The following ILRUN variants were observed in gnomAD, a reference collection of about 807,000 sequenced individuals.
ILRUN encodes protein ILRUN.
ILRUN carries 3 observed loss-of-function variants against 33.8 expected under a neutral mutation model. That is an observed-to-expected ratio of 0.09 (90% CI 0.04 to 0.23). The LOEUF (loss-of-function observed/expected upper bound fraction) is 0.23, where lower values mean the gene tolerates loss of function less well. ILRUN is among the 10% of genes least tolerant of loss of function. The probability of loss-of-function intolerance (pLI) is 1.00; values close to 1 mark genes in which losing one functional copy is unlikely to be tolerated. For missense variants in ILRUN, 210 were observed against 375.1 expected (o/e 0.56, Z 3.64); for synonymous variants, 124 against 138.9 (o/e 0.89, Z 0.75).
At chr6:34,638,712 A>C (rs1010111766) in intron 3 of ILRUN, among the ~76,000 whole-genome samples, 1 of 149,072 alleles carries the variant, frequency 6.7e-6, no homozygotes, top group Non-Finnish European at 1.5e-5. Flanking sequence ...CTCAAAAAAG[A>C]AAAAAAAAAC....
At chr6:34,614,982 T>C (rs998764650) in intron 3 of ILRUN, among the ~76,000 whole-genome samples, 9 of 152,252 alleles carry the variant, frequency 5.9e-5, no homozygotes, top group Middle Eastern at 3.4e-3. Flanking sequence ...TGAGAAATTG[T>C]CACTGACTAG....
At chr6:34,687,314 T>C (rs1437040059) in intron 1 of ILRUN, among the ~76,000 whole-genome samples, 1 of 152,142 alleles carries the variant, frequency 6.6e-6, no homozygotes, top group Non-Finnish European at 1.5e-5. Flanking sequence ...CATAAAAATA[T>C]GTTCGTATAA....
intron 3 of ILRUN, among the ~76,000 whole-genome samples, chr6:34,639,843 T>C (rs960802212): frequency 3.9e-5 from 6 of 152,208 alleles, no homozygotes; most frequent in Admixed American, 6.5e-5. Flanking sequence ...TACTAGACCT[T>C]AAGCCTCTCT....
intron 1 of ILRUN, among the ~76,000 whole-genome samples, chr6:34,694,448 T>G (rs115947040): frequency 2.6e-5 from 4 of 152,150 alleles, no homozygotes; most frequent in Non-Finnish European, 5.9e-5. Context: ...GCAAGAGAAC[T>G]CTCTTCAAGA....
intron 1 of ILRUN, among the ~76,000 whole-genome samples, chr6:34,689,908 C>G (rs979761734): frequency 6.6e-6 from 1 of 152,004 alleles, no homozygotes; most frequent in Non-Finnish European, 1.5e-5. Flanking sequence ...AACATACACA[C>G]TGCTCCCTGA....
Position 34,696,451 on chromosome 6 carries a change from G to C in ILRUN, c.153C>G (p.Thr51=). The change falls in exon 1 of 5, where the codon ACC becomes ACG. Residue 51 remains threonine (T), a synonymous_variant. Coordinates refer to ENST00000374023, the MANE Select transcript of ILRUN (RefSeq NM_024294.4). ...PAGCAFFLDM[T]NWNLQAAIGA... is the part of the protein sequence containing the mutation. ...GCACTGCGGGGCCGGCTCACCAGTT[G>C]GTCATGTCCAGGAAGAAGGCGCAAC... 6.4e-7 allele frequency: 1 copy of C among 1,573,006 alleles called. No homozygotes were observed. The highest frequency in any genetic ancestry group is 8.6e-7 in the Non-Finnish European group (1 of 1,160,426).
chr6:34,683,476 A>ATATATT (rs1491343391), intron 1 of ILRUN, among the ~76,000 whole-genome samples: 1 of 113,370 alleles, frequency 8.8e-6, no homozygotes, highest in African/African-American at 3.6e-5. Context: ...ATATATACAC[A>ATATATT]TATATATATA....
intron 3 of ILRUN, among the ~76,000 whole-genome samples, chr6:34,623,241 A>G (rs1265097366): frequency 6.6e-6 from 1 of 152,248 alleles, no homozygotes; most frequent in Non-Finnish European, 1.5e-5. Flanking sequence ...GTGTTATTTT[A>G]CCACAATTAA....
chr6:34,615,243 A>G (rs12201824), intron 3 of ILRUN, among the ~76,000 whole-genome samples: 7 of 152,136 alleles, frequency 4.6e-5, no homozygotes, highest in Admixed American at 1.3e-4. Flanking sequence ...ATTACAAAAC[A>G]TACACTAAAA....
In ILRUN at chr6:34,606,614, A is replaced by T; in HGVS notation, c.802T>A (p.Ser268Thr). 6.2e-7 allele frequency: 1 copy of T among 1,614,122 alleles called. No homozygotes were observed. The highest frequency in any genetic ancestry group is 8.5e-7 in the Non-Finnish European group (1 of 1,180,000). Reference protein sequence around the residue: ...EQDQNRLSQNSVNLSPSSHAN... With the variant: ...EQDQNRLSQNTVNLSPSSHAN... ...TGACTGCTGGGAGACAGATTTACAG[A>T]GTTCTGTGACAGTCTATTCTGGTCT... Residue 268 changes from serine (S) to threonine (T), a missense_variant, in exon 4 of 5, where the codon TCT becomes ACT. Around this residue, in one of 4 missense-constraint regions of ILRUN, gnomAD observed 81 missense variants for 97.0 expected, o/e 0.84. Transcript: ENST00000374023.
intron 3 of ILRUN, among the ~76,000 whole-genome samples, chr6:34,635,677 C>T (rs544056213): frequency 6.8e-6 from 1 of 147,754 alleles, no homozygotes; most frequent in African/African-American, 2.5e-5. Context: ...TGCAATGGCG[C>T]GATTTCGCCT....
At chr6:34,623,942 G>A (rs771500521) in intron 3 of ILRUN, among the ~76,000 whole-genome samples, 4 of 151,594 alleles carry the variant, frequency 2.6e-5, no homozygotes, top group Non-Finnish European at 5.9e-5. Flanking sequence ...AGCGATTCTC[G>A]TGCCTCAGCC....
chr6:34,610,153 T>C (rs1761718347), intron 3 of ILRUN, among the ~76,000 whole-genome samples: 1 of 144,436 alleles, frequency 6.9e-6, no homozygotes, highest in Non-Finnish European at 1.5e-5. Context: ...TGAGCAAGAC[T>C]CCGTCTCAAA....
chr6:34,624,273 T>C (rs1365684727), intron 3 of ILRUN, among the ~76,000 whole-genome samples: 2 of 152,242 alleles, frequency 1.3e-5, no homozygotes, highest in Non-Finnish European at 2.9e-5. Context: ...ATTAATTCTA[T>C]AACTAGAAAG....
intron 1 of ILRUN, chr6:34,685,465 C>G (rs189871158): frequency 5.3e-5 from 8 of 152,190 alleles, no homozygotes; most frequent in African/African-American, 1.9e-4. Context: ...TGGCTCACCC[C>G]CTCCTTAGGC....
At chr6:34,693,603 T>C (rs1318773831) in intron 1 of ILRUN, among the ~76,000 whole-genome samples, 2 of 152,204 alleles carry the variant, frequency 1.3e-5, no homozygotes, top group Non-Finnish European at 2.9e-5. Context: ...CATCAACATA[T>C]ATGCTACTCC....
chr6:34,637,829 C>CTGTTGTT lies in ILRUN; in HGVS notation c.511+8771_511+8772insAACAACA, dbSNP rs1762393240. Among the ~76,000 whole-genome samples the CTGTTGTT allele has an allele frequency of 2.0e-5, 3 of 148,396 alleles. No individual in the cohort carries two copies. In the South Asian group the frequency reaches 6.4e-4, roughly 32 times the overall value. On this transcript the variant is annotated intron_variant, in intron 3 of 4. Coordinates refer to ENST00000374023, the MANE Select transcript of ILRUN (RefSeq NM_024294.4). ...TAATCTGAACAGTACAGTCATTTCA[C>CTGTTGTT]ATTGCTGTTGTTGTTGCTGCTGCTG... is the stretch of plus-strand genomic sequence containing the variant.
Position 34,693,671 on chromosome 6 carries a change from TA to T in ILRUN, c.158+2774del, listed in dbSNP as rs199510489. 5.8e-3 allele frequency among the ~76,000 whole-genome samples: 804 copies of T among 138,922 alleles called. 25 individuals are homozygous for T. The highest frequency in any genetic ancestry group is 0.015 in the African/African-American group (554 of 37,054). The allele number at this position is 138,922 out of a possible 152,430, so 91.1% of individuals were successfully genotyped here. ...CTCAAATAGAAGTTTTATTTTATTT[TA>T]TTTTTTTTTTTTGAGACGGAGTCTC... is the stretch of plus-strand genomic sequence containing the variant. On this transcript the variant is annotated intron_variant, in intron 1 of 4. Transcript: ENST00000374023.
intron 3 of ILRUN, among the ~76,000 whole-genome samples, chr6:34,644,386 T>C (rs1409934909): frequency 6.6e-6 from 1 of 152,234 alleles, no homozygotes; most frequent in Admixed American, 6.5e-5. Flanking sequence ...ACCTTCAGTT[T>C]TAAAGATGAC....
Sources: gnomAD v4.1 joint callset for allele counts (sites outside exome capture counted in the v4.1 genomes callset) on GRCh38, gnomAD v4.1.1 for gene constraint, gnomAD v4.1.1 regional missense constraint, MANE v1.5 for transcripts, NCBI Gene and HGNC (gene_info 2026-07-23, HGNC 2026-07-21) for gene names.